INPP4B: variants seen among roughly 807,000 people sequenced by gnomAD.
INPP4B encodes inositol polyphosphate 4-phosphatase type II.
In INPP4B, 55 loss-of-function variants were observed where a neutral mutation model predicts 122.5. The ratio of observed to expected loss-of-function variants is 0.45; its 90% confidence interval spans 0.36 to 0.56. INPP4B has a LOEUF of 0.56. INPP4B is among the 20% of genes least tolerant of loss of function. The probability of loss-of-function intolerance (pLI) is 0.00; values close to 1 mark genes in which losing one functional copy is unlikely to be tolerated. For synonymous variants in INPP4B, 403 were observed against 388.7 expected, an observed-to-expected ratio of 1.04 and a Z score of -0.43; for missense variants, 1,000 against 1,097.7, an observed-to-expected ratio of 0.91 and a Z score of 1.26.
At chr4:142,195,199 A>G (rs936714328) in intron 14 of INPP4B, among the ~76,000 whole-genome samples, 2 of 152,218 alleles carry the variant, frequency 1.3e-5, no homozygotes, top group African/African-American at 4.8e-5. Flanking sequence ...CAGTTCCAGG[A>G]CAAACACTCC....
At chr4:142,031,761 C>T (rs958629798) in intron 25 of INPP4B, among the ~76,000 whole-genome samples, 1 of 152,076 alleles carries the variant, frequency 6.6e-6, no homozygotes, top group Non-Finnish European at 1.5e-5. Context: ...TATATTATTT[C>T]TTCTATTGGC....
chr4:142,434,329 C>T (rs888423749), intron 3 of INPP4B, among the ~76,000 whole-genome samples: 1 of 152,120 alleles, frequency 6.6e-6, no homozygotes, highest in African/African-American at 2.4e-5. Flanking sequence ...GAGTGGTGCT[C>T]CTCTCTAGGA....
intron 12 of INPP4B, among the ~76,000 whole-genome samples, chr4:142,224,458 T>C (rs549162181): frequency 6.6e-6 from 1 of 152,304 alleles, no homozygotes; most frequent in African/African-American, 2.4e-5. Flanking sequence ...TGTTTTAAGA[T>C]ATAGAATCAG....
chr4:142,300,164 A>G (rs1292631890), intron 9 of INPP4B, among the ~76,000 whole-genome samples: 1 of 152,202 alleles, frequency 6.6e-6, no homozygotes, highest in Non-Finnish European at 1.5e-5. Context: ...ACCAACTTAC[A>G]GGATTCCAGC....
chr4:142,673,899 C>A (rs545385316), intron 2 of INPP4B, among the ~76,000 whole-genome samples: 1 of 152,106 alleles, frequency 6.6e-6, no homozygotes, highest in Non-Finnish European at 1.5e-5. Context: ...TGATACAGCA[C>A]CTAGGTTACC....
chr4:142,179,650 CT>C (rs1417628758), intron 15 of INPP4B, among the ~76,000 whole-genome samples: 1 of 151,934 alleles, frequency 6.6e-6, no homozygotes, highest in Non-Finnish European at 1.5e-5. Flanking sequence ...TACTATTCCA[CT>C]TTTTAGTTTG....
rs116779426 is a variant in INPP4B, at chr4:142,464,046, G to T, written c.-190-1320C>A. 4.4e-3 allele frequency among the ~76,000 whole-genome samples: 676 copies of T among 152,110 alleles called. 8 individuals carry two copies. The highest frequency in any genetic ancestry group is 0.015 in the African/African-American group (631 of 41,486). On this transcript the variant is annotated intron_variant, in intron 2 of 25. Transcript: ENST00000262992. ...CATTATTATTATATAGAGAGAATTT[G>T]GCAAAGACAGGTGAAGTAATTCAGG...
At chr4:142,040,595 A>T (rs1461957539) in intron 25 of INPP4B, among the ~76,000 whole-genome samples, 2 of 152,230 alleles carry the variant, frequency 1.3e-5, no homozygotes, top group Non-Finnish European at 2.9e-5. Context: ...TATCTTAGTT[A>T]GTAGAAAGAT....
intron 2 of INPP4B, among the ~76,000 whole-genome samples, chr4:142,535,293 T>C (rs1000273593): frequency 6.6e-6 from 1 of 152,224 alleles, no homozygotes; most frequent in Non-Finnish European, 1.5e-5. Context: ...TGGGTACATC[T>C]GCTTTTCTTG....
At chr4:142,146,886 T>C (rs1403558693) in intron 17 of INPP4B, among the ~76,000 whole-genome samples, 1 of 152,186 alleles carries the variant, frequency 6.6e-6, no homozygotes, top group Non-Finnish European at 1.5e-5. Flanking sequence ...TTGCCACTAA[T>C]CTTCCCAGTT....
At chr4:142,621,513 CT>C (rs1744927624) in intron 2 of INPP4B, among the ~76,000 whole-genome samples, 1 of 151,756 alleles carries the variant, frequency 6.6e-6, no homozygotes, top group Admixed American at 6.6e-5. Context: ...GTATTTAATA[CT>C]AATATAAGAG....
At position 142,701,417 on chromosome 4, in the gene INPP4B, C is replaced by A. The variant is rs1019832574; in HGVS notation, c.-191+24422G>T. On this transcript the variant is annotated intron_variant, in intron 2 of 25. Coordinates refer to ENST00000262992, the MANE Select transcript of INPP4B (RefSeq NM_001101669.3). ...CACATGGATCCAATCAGGTCAAGGGCAGCCACACTCTAACTGGTGCAATCA... is the reference window on the plus strand; with the variant it reads ...CACATGGATCCAATCAGGTCAAGGGAAGCCACACTCTAACTGGTGCAATCA... Among the ~76,000 whole-genome samples the A allele has an allele frequency of 3.3e-5, 5 of 151,082 alleles. No homozygotes were observed. In the East Asian group the frequency reaches 9.9e-4, roughly 30 times the overall value.
intron 7 of INPP4B, among the ~76,000 whole-genome samples, chr4:142,323,748 C>CT (rs200537355): frequency 0.011 from 1,635 of 143,162 alleles, 20 homozygotes; most frequent in African/African-American, 0.035. Context: ...CCCAGCAGAT[C>CT]TTTTTTTTTT....
intron 1 of INPP4B, among the ~76,000 whole-genome samples, chr4:142,776,942 T>C (rs1774010238): frequency 6.6e-6 from 1 of 152,104 alleles, no homozygotes; most frequent in African/African-American, 2.4e-5. Context: ...CAGTTCAAGG[T>C]TGCTTTTAAT....
intron 25 of INPP4B, among the ~76,000 whole-genome samples, chr4:142,036,512 GA>G (rs1744074886): frequency 6.6e-6 from 1 of 152,130 alleles, no homozygotes; most frequent in East Asian, 1.9e-4. Context: ...AAAGTAATTT[GA>G]AAATATCTTA....
intron 1 of INPP4B, among the ~76,000 whole-genome samples, chr4:142,735,580 C>T (rs889894573): frequency 2.6e-5 from 4 of 152,116 alleles, no homozygotes; most frequent in African/African-American, 9.7e-5. Flanking sequence ...AAGCCACAGC[C>T]ATCGAGCAAA....
intron 25 of INPP4B, among the ~76,000 whole-genome samples, chr4:142,071,031 C>A (rs1311172628): frequency 1.3e-5 from 2 of 152,162 alleles, no homozygotes; most frequent in Admixed American, 6.5e-5. Context: ...ATTACCAAGA[C>A]AATCTTAAGC....
chr4:142,598,607 G>C (rs1340112697), intron 2 of INPP4B, among the ~76,000 whole-genome samples: 1 of 152,144 alleles, frequency 6.6e-6, no homozygotes, highest in Non-Finnish European at 1.5e-5. Flanking sequence ...TCATGGAAAT[G>C]ACAGTGTAAA....
intron 5 of INPP4B, among the ~76,000 whole-genome samples, chr4:142,407,281 C>T (rs1203226562): frequency 6.6e-6 from 1 of 152,108 alleles, no homozygotes; most frequent in Non-Finnish European, 1.5e-5. Flanking sequence ...AAGCTGAGGC[C>T]ACTGTGTTTC....
Sources: gnomAD v4.1 joint callset for allele counts (sites outside exome capture counted in the v4.1 genomes callset) on GRCh38, gnomAD v4.1.1 for gene constraint, MANE v1.5 for transcripts, NCBI Gene and HGNC (gene_info 2026-07-23, HGNC 2026-07-21) for gene names.